The following DNAH11 variants were observed in gnomAD, a reference collection of about 807,000 sequenced individuals.
The protein encoded by DNAH11 is dynein axonemal heavy chain 11, also known as axonemal beta dynein heavy chain 11.
A neutral mutation model predicts 526.0 loss-of-function variants in DNAH11; 442 were observed. The ratio of observed to expected loss-of-function variants is 0.84; its 90% CI spans 0.78 to 0.91. DNAH11 has a LOEUF of 0.91. Among genes scored for constraint, DNAH11 ranks in the 40% least tolerant of loss-of-function variants. DNAH11 has a pLI of 0.00. For missense variants in DNAH11, 6,989 were observed against 5,448.7 expected (o/e 1.28, Z -8.90); for synonymous variants, 2,461 against 1,935.9 (o/e 1.27, Z -7.12).
At position 21,559,683 on chromosome 7, in the gene DNAH11, T is replaced by C. The variant is rs771437656; in HGVS notation, c.773T>C (p.Ile258Thr). The C allele has an allele frequency of 7.2e-5, 116 of 1,611,510 alleles. No homozygotes were observed. Among genetic ancestry groups the C allele is most frequent in the Middle Eastern group, 1.6e-4 (1 of 6,078 alleles). Residue 258 changes from isoleucine (I) to threonine (T), a missense_variant, in exon 4 of 82, where the codon ATA becomes ACA. Physicochemically the swap from Ile to Thr is moderately conservative, Grantham distance 89. Coordinates refer to ENST00000409508, the MANE Select transcript of DNAH11 (RefSeq NM_001277115.2). ...IEWSHQIQEIIERDSVQRLLN... is the reference protein window; with the variant it reads ...IEWSHQIQEITERDSVQRLLN... ...TGGTCACATCAAATCCAAGAAATTA[T>C]AGAAAGAGATTCAGTGCAGCGTTTG...
chr7:21,895,224 G>A (rs1037997501), intron 79 of DNAH11, among the ~76,000 whole-genome samples: 6 of 152,148 alleles, frequency 3.9e-5, no homozygotes, highest in Non-Finnish European at 8.8e-5. Context: ...AAATTCTGTC[G>A]CTCACTCATT....
chr7:21,693,764 T>C lies in DNAH11; in HGVS notation c.6041+2883T>C, dbSNP rs186553585. On this transcript the variant is annotated intron_variant, in intron 35 of 81. Transcript: ENST00000409508. ...GGCACACACTGGTTCATTGTATTAG[T>C]CCATTCTCACACTGCTATAAGTAAC... Among the ~76,000 whole-genome samples, 15 of 152,284 alleles carry C rather than the reference T, an allele frequency of 9.9e-5. No homozygotes were observed. The East Asian group carries it at 2.1e-3, about 22-fold the overall frequency.
chr7:21,863,289 A>G (rs569518360), intron 69 of DNAH11, among the ~76,000 whole-genome samples: 6 of 152,312 alleles, frequency 3.9e-5, no homozygotes, highest in South Asian at 2.1e-4. Context: ...TGAACTGTGT[A>G]TGTAATAAAC....
rs6965806 is a variant in DNAH11 at position 21,807,360 on chromosome 7, G to A, written c.10166-523G>A. 2.8e-3 allele frequency among the ~76,000 whole-genome samples: 427 copies of A among 152,302 alleles called. 1 individual carries two copies. The highest frequency in any genetic ancestry group is 9.3e-3 in the African/African-American group (388 of 41,570). The stretch of plus-strand genomic sequence containing the variant: ...CAAAAAATACAAAAATTTGCCAGGC[G>A]TGGTGGTGCATGCCTATAGTCCCAG... On this transcript the variant is annotated intron_variant, in intron 62 of 81. Transcript: ENST00000409508.
In DNAH11 at chr7:21,582,347, A is replaced by G. The variant is rs11766011; in HGVS notation, c.1710+326A>G. Among the ~76,000 whole-genome samples the G allele has an allele frequency of 0.16, 24,574 of 152,122 alleles. 1,993 individuals carry two copies. The highest frequency in any genetic ancestry group is 0.2 in the Middle Eastern group (58 of 292). On this transcript the variant is annotated intron_variant, in intron 9 of 81. Transcript: ENST00000409508. ...ACAGTGAAAAGTGAAAAATACCTTA[A>G]TTCAGGAATTTCTTTTATTTACCAT...
In DNAH11 at chr7:21,748,667, G is replaced by A; in HGVS notation, c.8598G>A (p.Arg2866=). ...VGGSGKQSLS[R]LAAYLRGLEV... ...GCAGTGGCAAGCAGAGCTTGTCCAG[G>A]CTGGCAGCTTACCTTCGTGGCCTTG... Residue 2866 remains arginine, a synonymous_variant, in exon 52 of 82, where the codon AGG becomes AGA. Transcript: ENST00000409508. The A allele has an allele frequency of 6.2e-7, 1 of 1,613,682 alleles. No homozygotes were observed. The highest frequency in any genetic ancestry group is 8.5e-7 in the Non-Finnish European group (1 of 1,179,714).
chr7:21,790,307 G>T (rs147358435), intron 61 of DNAH11, among the ~76,000 whole-genome samples: 7 of 151,930 alleles, frequency 4.6e-5, no homozygotes, highest in African/African-American at 1.7e-4. Context: ...AAATTTAGCC[G>T]GGCGTCATGG....
At chr7:21,583,986 C>T (rs1376676524) in intron 9 of DNAH11, among the ~76,000 whole-genome samples, 1 of 152,110 alleles carries the variant, frequency 6.6e-6, no homozygotes, top group Admixed American at 6.6e-5. Context: ...GGTGGGAGTG[C>T]AAATTAGTTC....
Position 21,607,001 on chromosome 7 carries a change from G to A in DNAH11, c.3852+268G>A, listed in dbSNP as rs11978567. ...GTATATAGGAAAGGGCGTTTATTAA[G>A]GAGTATTGACTCACACCATCACAAG... is the stretch of plus-strand genomic sequence containing the variant. On this transcript the variant is annotated intron_variant, in intron 20 of 81. Transcript: ENST00000409508. Among the ~76,000 whole-genome samples the A allele has an allele frequency of 0.16, 24,715 of 152,066 alleles. 2,128 individuals are homozygous for A. Among genetic ancestry groups the A allele is most frequent in the African/African-American group, 0.2 (8,439 of 41,486 alleles).
chr7:21,593,511 G>A (rs1207208739), intron 14 of DNAH11, among the ~76,000 whole-genome samples: 1 of 152,140 alleles, frequency 6.6e-6, no homozygotes, highest in East Asian at 1.9e-4. Flanking sequence ...CAGGATGTTT[G>A]TATGTTAACT....
At chr7:21,781,699 T>G (rs901104140) in intron 57 of DNAH11, among the ~76,000 whole-genome samples, 1 of 152,174 alleles carries the variant, frequency 6.6e-6, no homozygotes, top group African/African-American at 2.4e-5. Flanking sequence ...GAAATTCTTA[T>G]AATCTAAAGG....
At chr7:21,549,273 A>G (rs1286247802) in intron 2 of DNAH11, among the ~76,000 whole-genome samples, 4 of 152,188 alleles carry the variant, frequency 2.6e-5, no homozygotes, top group Admixed American at 1.3e-4. Context: ...ATTCCATCCT[A>G]GAGGAAACAG....
chr7:21,611,402 G>A (rs1189937295), intron 20 of DNAH11, among the ~76,000 whole-genome samples: 1 of 152,136 alleles, frequency 6.6e-6, no homozygotes, highest in East Asian at 1.9e-4. Context: ...TTTCCAGCTT[G>A]CAAATAGCTT....
At position 21,600,932 on chromosome 7, in the gene DNAH11, C is replaced by G. The variant is rs1399869422; in HGVS notation, c.3255+2C>G. On this transcript the variant is annotated splice_donor_variant, in intron 16 of 81. Transcript: ENST00000409508. LOFTEE classifies it high-confidence loss of function. ...ACTCTTGAGCAATTCAAAGAACAGG[C>G]AAGGAAAACCCTTAGCATTTAATGT... The G allele has an allele frequency of 6.2e-7, 1 of 1,613,348 alleles. No individual in the cohort carries two copies.
rs1290618603 is a variant in DNAH11, at chr7:21,600,735, G to T, written c.3060G>T (p.Val1020=). Reference sequence around the variant, plus strand: ...TCAGGCAGGAGATCATGAACAGAGTGGTGAATGTCATCAACAAAGTCTTAG... The same window carrying T: ...TCAGGCAGGAGATCATGAACAGAGTTGTGAATGTCATCAACAAAGTCTTAG... ...AEVRQEIMNR[V]VNVINKVLDF... The change falls in exon 16 of 82, where the codon GTG becomes GTT. Residue 1020 remains valine, a synonymous_variant. Transcript: ENST00000409508. 2 of 1,613,816 alleles carry T rather than the reference G, an allele frequency of 1.2e-6. No homozygotes were observed. Among genetic ancestry groups the T allele is most frequent in the Non-Finnish European group, 1.7e-6 (2 of 1,179,818 alleles).
At chr7:21,635,795 G>C (rs1456869736) in intron 25 of DNAH11, 76 bp from the exon 26 acceptor site, 1 of 1,217,636 alleles carries the variant, frequency 8.2e-7, no homozygotes, top group African/African-American at 1.5e-5. Flanking sequence ...AAACAGAGTA[G>C]ATATAGTGCC....
At chr7:21,587,917 A>G in intron 9 of DNAH11, 147 bp from the exon 10 acceptor site, 1 of 704,100 alleles carries the variant, frequency 1.4e-6, no homozygotes, top group Non-Finnish European at 2.1e-6. Flanking sequence ...GGAGATGGAA[A>G]AATACATTTT....
chr7:21,635,070 T>C (rs1364525890), intron 25 of DNAH11, among the ~76,000 whole-genome samples: 1 of 152,116 alleles, frequency 6.6e-6, no homozygotes, highest in African/African-American at 2.4e-5. Context: ...ATAGGAGAGC[T>C]GTGGAGCTTA....
In DNAH11 at chr7:21,894,776, T is replaced by A. The variant is rs1257779261; in HGVS notation, c.12904T>A (p.Ser4302Thr). Residue 4302 changes from serine to threonine, a missense_variant, in exon 78 of 82, where the codon TCA becomes ACA. By Grantham distance (58) the Ser-to-Thr change is moderately conservative. Transcript: ENST00000409508. ...MNILIREIRI[S>T]LEQLDLSLKG... ...TATTCTCATTCGGGAAATACGTATA[T>A]CACTTGAACAACTGGACCTTAGTTT... 1.2e-6 allele frequency: 2 copies of A among 1,611,320 alleles called. No individual in the cohort carries two copies. The highest frequency in any genetic ancestry group is 1.7e-6 in the Non-Finnish European group (2 of 1,178,444).
Sources: gnomAD v4.1 joint callset for allele counts (sites outside exome capture counted in the v4.1 genomes callset) on GRCh38, gnomAD v4.1.1 for gene constraint, MANE v1.5 for transcripts, NCBI Gene and HGNC (gene_info 2026-07-23, HGNC 2026-07-21) for gene names.